The following SCIN variants were observed in gnomAD, a reference collection of about 807,000 sequenced individuals.
The protein encoded by SCIN is adseverin.
In SCIN, 91 loss-of-function variants were observed where a neutral mutation model predicts 91.8. The ratio of observed to expected loss-of-function variants is 0.99; its 90% confidence interval spans 0.84 to 1.18. The LOEUF is 1.18. SCIN is among the 50% of genes most tolerant of loss of function. SCIN has a pLI of 0.00. For synonymous variants in SCIN, 367 were observed against 312.6 expected, an observed-to-expected ratio of 1.17 and a Z score of -1.84; for missense variants, 1,087 against 863.9, an observed-to-expected ratio of 1.26 and a Z score of -3.24.
At chr7:12,587,807 C>T (rs965568636) in intron 3 of SCIN, among the ~76,000 whole-genome samples, 8 of 152,100 alleles carry the variant, frequency 5.3e-5, no homozygotes, top group Admixed American at 3.3e-4. Flanking sequence ...CTACTTTTTT[C>T]AGTCTTCTTT....
chr7:12,627,106 A>G (rs1562623587), intron 8 of SCIN, among the ~76,000 whole-genome samples: 1 of 151,886 alleles, frequency 6.6e-6, no homozygotes, highest in South Asian at 2.1e-4. Context: ...ACACACACAC[A>G]CACACACATA....
At position 12,658,089 on chromosome 7, in the gene SCIN, A is replaced by C. The variant is rs560741703; in HGVS notation, c.*5374A>C. The C allele has an allele frequency of 2.6e-5, 4 of 152,206 alleles. No homozygotes were observed. Among genetic ancestry groups the C allele is most frequent in the Non-Finnish European group, 5.9e-5 (4 of 68,036 alleles). 9.4% of individuals were successfully genotyped at this position (152,206 alleles called of 1,614,324 possible). On this transcript the variant is annotated 3_prime_UTR_variant, in exon 16 of 16. Coordinates refer to ENST00000297029, the MANE Select transcript of SCIN (RefSeq NM_001112706.3). ...CAATACTGAATTAAAATATCCCTGC[A>C]AGTTCACTGTGACTCAATCTAAGGT... is the stretch of plus-strand genomic sequence containing the variant.
chr7:12,630,779 A>C (rs999046859), intron 9 of SCIN, among the ~76,000 whole-genome samples: 2 of 152,238 alleles, frequency 1.3e-5, no homozygotes, highest in Non-Finnish European at 2.9e-5. Flanking sequence ...CAGCTGTTGT[A>C]ACTGGTAAAG....
At chr7:12,649,223 C>G (rs555199093) in intron 13 of SCIN, among the ~76,000 whole-genome samples, 3 of 152,124 alleles carry the variant, frequency 2.0e-5, no homozygotes, top group Non-Finnish European at 4.4e-5. Flanking sequence ...TTATATTTGA[C>G]TTATTTAATT....
intron 3 of SCIN, among the ~76,000 whole-genome samples, chr7:12,587,635 G>T (rs748648163): frequency 2.6e-5 from 4 of 152,122 alleles, no homozygotes; most frequent in Non-Finnish European, 4.4e-5. Context: ...TGTGGGACAC[G>T]GTATCCTCAT....
At chr7:12,603,898 T>C (rs1783016354) in intron 3 of SCIN, among the ~76,000 whole-genome samples, 1 of 83,332 alleles carries the variant, frequency 1.2e-5, no homozygotes, top group African/African-American at 3.5e-5. Flanking sequence ...ACGAAAACCC[T>C]TATATGTGTG....
intron 1 of SCIN, among the ~76,000 whole-genome samples, chr7:12,574,415 TA>T (rs978875776): frequency 3.3e-5 from 5 of 152,096 alleles, no homozygotes; most frequent in Non-Finnish European, 5.9e-5. Flanking sequence ...GAGTGTATTA[TA>T]AAAGGGCAAC....
At chr7:12,609,924 T>C (rs1273840114) in intron 4 of SCIN, among the ~76,000 whole-genome samples, 1 of 152,176 alleles carries the variant, frequency 6.6e-6, no homozygotes, top group African/African-American at 2.4e-5. Context: ...TTAATAACTG[T>C]TTATCAAGTG....
intron 13 of SCIN, 28 bp downstream of exon 13, chr7:12,644,733 G>A: frequency 6.5e-7 from 1 of 1,546,970 alleles, no homozygotes; most frequent in Non-Finnish European, 8.7e-7. Context: ...TAGTGCGATA[G>A]GGCTGGTTGC....
intron 3 of SCIN, among the ~76,000 whole-genome samples, chr7:12,593,142 G>A (rs1118998): frequency 0.35 from 52,761 of 152,140 alleles, 9,699 homozygotes; most frequent in Middle Eastern, 0.44. Flanking sequence ...TCATGGGTGG[G>A]GACATGGCCC....
At chr7:12,625,987 A>G (rs1173021782) in intron 7 of SCIN, 137 bp downstream of exon 7, 1 of 602,842 alleles carries the variant, frequency 1.7e-6, no homozygotes, top group Non-Finnish European at 2.9e-6. Flanking sequence ...GTCTGCTGCA[A>G]TCTGGTGTCC....
intron 1 of SCIN, chr7:12,571,329 A>C (rs946418514): frequency 2.7e-6 from 1 of 374,410 alleles, no homozygotes; most frequent in Non-Finnish European, 5.0e-6. Context: ...CTCAGCGCAC[A>C]CCGTCTCTGG....
At chr7:12,606,936 T>C (rs1464557636) in intron 4 of SCIN, among the ~76,000 whole-genome samples, 1 of 152,232 alleles carries the variant, frequency 6.6e-6, no homozygotes. Flanking sequence ...AAGGCCTCTG[T>C]TCTAGAGATG....
intron 4 of SCIN, among the ~76,000 whole-genome samples, chr7:12,613,389 T>A (rs1783236640): frequency 6.6e-6 from 1 of 152,222 alleles, no homozygotes; most frequent in African/African-American, 2.4e-5. Context: ...AGTATTTACT[T>A]CGTATCAGTT....
chr7:12,643,798 C>T (rs1562633693), intron 11 of SCIN, among the ~76,000 whole-genome samples: 2 of 152,210 alleles, frequency 1.3e-5, no homozygotes, highest in Non-Finnish European at 2.9e-5. Context: ...CCCCCTCAGT[C>T]TTGCTTACTG....
chr7:12,644,789 G>GAGAATCTCTTGAA, intron 13 of SCIN, 84 bp downstream of exon 13: 1 of 1,380,044 alleles, frequency 7.2e-7, no homozygotes, highest in Non-Finnish European at 9.8e-7. Context: ...GCCGAGGCAG[G>GAGAATCTCTTGAA]CAGATCACCT....
intron 10 of SCIN, among the ~76,000 whole-genome samples, chr7:12,636,634 T>A (rs1469719871): frequency 2.0e-5 from 3 of 152,132 alleles, no homozygotes; most frequent in Admixed American, 2.0e-4. Context: ...TGGGTGGGCC[T>A]AGCGTAATCA....
intron 1 of SCIN, among the ~76,000 whole-genome samples, chr7:12,574,532 G>A (rs781347996): frequency 2.6e-5 from 4 of 152,062 alleles, no homozygotes; most frequent in South Asian, 2.1e-4. Context: ...ACACACACAC[G>A]AGTACAAGTA....
rs185745706 is a variant in SCIN, at chr7:12,578,271, C to T, written c.354+53C>T. On this transcript the variant is annotated intron_variant, in intron 2 of 15. Transcript: ENST00000297029. ...GAATCCCTTTCTCCTCTTGTCCATC[C>T]ATACCTCCTGTCTTCATAGAATGAC... 5.1e-4 allele frequency: 736 copies of T among 1,453,726 alleles called. 3 individuals carry two copies. In the African/African-American group the frequency reaches 8.9e-3, roughly 18 times the overall value. 90.1% of individuals were successfully genotyped at this position (1,453,726 alleles called of 1,614,324 possible).
Sources: gnomAD v4.1 joint callset for allele counts (sites outside exome capture counted in the v4.1 genomes callset) on GRCh38, gnomAD v4.1.1 for gene constraint, MANE v1.5 for transcripts, NCBI Gene and HGNC (gene_info 2026-07-23, HGNC 2026-07-21) for gene names.